The following ATP8B4 variants were observed in gnomAD, a reference collection of about 807,000 sequenced individuals.
ATP8B4 encodes probable phospholipid-transporting ATPase IM.
Under a neutral mutation model 145.6 loss-of-function variants are expected in ATP8B4, and 133 were observed. The ratio of observed to expected loss-of-function variants is 0.91; its 90% CI spans 0.79 to 1.05. The LOEUF (loss-of-function observed/expected upper bound fraction) is 1.05, where lower values mean the gene tolerates loss of function less well. ATP8B4 is among the 50% of genes least tolerant of loss of function. The pLI is 0.00. For missense variants in ATP8B4, 1,458 were observed against 1,425.2 expected (o/e 1.02, Z -0.37); for synonymous variants, 507 against 492.9 (o/e 1.03, Z -0.38).
Position 49,919,525 on chromosome 15 carries a change from C to T in ATP8B4, c.1924-575G>A, listed in dbSNP as rs192102961. Among the ~76,000 whole-genome samples the T allele has an allele frequency of 8.2e-4, 125 of 152,278 alleles. 1 individual carries two copies. Among genetic ancestry groups the T allele is most frequent in the African/African-American group, 2.8e-3 (118 of 41,572 alleles). ...CTCCGCCTCCCGGGTTCACACCATT[C>T]TCCTGCCTCAGCCTCCCAAGTAGTT... On this transcript the variant is annotated intron_variant, in intron 18 of 27. Transcript: ENST00000284509.
chr15:50,046,202 C>A (rs1265732783), intron 4 of ATP8B4, among the ~76,000 whole-genome samples: 1 of 152,184 alleles, frequency 6.6e-6, no homozygotes, highest in Non-Finnish European at 1.5e-5. Flanking sequence ...CCAATCAGAA[C>A]TAATCTCAAG....
At chr15:49,950,615 CA>C (rs1189915156) in intron 14 of ATP8B4, among the ~76,000 whole-genome samples, 2 of 79,966 alleles carry the variant, frequency 2.5e-5, no homozygotes, top group South Asian at 3.3e-4. Context: ...AACAAACAAA[CA>C]AACAAAAAAA....
chr15:49,990,014 A>T (rs925975300), intron 9 of ATP8B4, among the ~76,000 whole-genome samples: 7 of 152,168 alleles, frequency 4.6e-5, no homozygotes, highest in African/African-American at 1.7e-4. Flanking sequence ...ATTAGAGCAG[A>T]TCTAAGAAAA....
intron 13 of ATP8B4, among the ~76,000 whole-genome samples, chr15:49,969,790 G>A (rs1240390550): frequency 1.3e-5 from 2 of 152,116 alleles, no homozygotes; most frequent in African/African-American, 2.4e-5. Flanking sequence ...GCCTCATCCT[G>A]ATACCAAAAC....
intron 14 of ATP8B4, among the ~76,000 whole-genome samples, chr15:49,935,460 C>T (rs1446588348): frequency 6.6e-6 from 1 of 152,098 alleles, no homozygotes; most frequent in East Asian, 1.9e-4. Context: ...TGCCCCCTTA[C>T]TAATATAATA....
intron 9 of ATP8B4, among the ~76,000 whole-genome samples, chr15:49,992,419 T>C (rs1235887923): frequency 6.6e-6 from 1 of 152,196 alleles, no homozygotes; most frequent in Non-Finnish European, 1.5e-5. Flanking sequence ...TTGTGTTAAA[T>C]ATACATTTGC....
chr15:50,160,774 A>C (rs933826852), intron 1 of ATP8B4, among the ~76,000 whole-genome samples: 6 of 151,770 alleles, frequency 4.0e-5, no homozygotes, highest in African/African-American at 1.5e-4. Context: ...AAGTTTTAAG[A>C]CTTGTTTGTG....
intron 23 of ATP8B4, among the ~76,000 whole-genome samples, chr15:49,885,475 T>G (rs940242120): frequency 1.3e-5 from 2 of 152,202 alleles, no homozygotes; most frequent in Non-Finnish European, 1.5e-5. Flanking sequence ...AACTATAATT[T>G]TAATGCCCAG....
intron 1 of ATP8B4, among the ~76,000 whole-genome samples, chr15:50,173,967 G>C (rs58580493): frequency 6.6e-6 from 1 of 152,104 alleles, no homozygotes; most frequent in Non-Finnish European, 1.5e-5. Flanking sequence ...GTTTCATACC[G>C]GGGATGCAGG....
chr15:49,921,263 T>C (rs1381904122), intron 17 of ATP8B4, among the ~76,000 whole-genome samples: 1 of 152,190 alleles, frequency 6.6e-6, no homozygotes, highest in Non-Finnish European at 1.5e-5. Flanking sequence ...ATTTTAAAGA[T>C]ACCATTATCA....
chr15:50,043,735 T>C (rs2051491925), intron 5 of ATP8B4, among the ~76,000 whole-genome samples: 1 of 151,352 alleles, frequency 6.6e-6, no homozygotes, highest in South Asian at 2.1e-4. Context: ...AGGTGGATCA[T>C]GAGGTCAGGA....
intron 10 of ATP8B4, among the ~76,000 whole-genome samples, chr15:49,984,944 G>C (rs1473877809): frequency 1.3e-5 from 2 of 152,146 alleles, no homozygotes; most frequent in Non-Finnish European, 2.9e-5. Context: ...CATTACCAGG[G>C]AGGTGTAGCC....
At chr15:49,979,309 A>G (rs953833801) in intron 12 of ATP8B4, among the ~76,000 whole-genome samples, 1 of 152,114 alleles carries the variant, frequency 6.6e-6, no homozygotes, top group African/African-American at 2.4e-5. Flanking sequence ...TCCTTTTCTT[A>G]CTCAAAATTA....
intron 13 of ATP8B4, 56 bp from the exon 14 acceptor site, chr15:49,962,076 C>T: frequency 7.3e-7 from 1 of 1,370,866 alleles, no homozygotes; most frequent in East Asian, 2.4e-5. Context: ...TAGAATTAGA[C>T]ATTTAGTTTT....
intron 1 of ATP8B4, among the ~76,000 whole-genome samples, chr15:50,145,962 CTTCT>C (rs2044270689): frequency 6.6e-6 from 1 of 151,058 alleles, no homozygotes; most frequent in Non-Finnish European, 1.5e-5. Context: ...AGATAGAACT[CTTCT>C]GATTATATTT....
chr15:49,903,666 G>T (rs1218242560), intron 20 of ATP8B4, among the ~76,000 whole-genome samples: 1 of 152,186 alleles, frequency 6.6e-6, no homozygotes, highest in Non-Finnish European at 1.5e-5. Context: ...GGCTGAGGCG[G>T]GCAGATCACC....
In ATP8B4 at chr15:50,041,593, A is replaced by G. The variant is rs531263724; in HGVS notation, c.301-2764T>C. 9.8e-5 allele frequency among the ~76,000 whole-genome samples: 15 copies of G among 152,310 alleles called. No individual in the cohort carries two copies. In the South Asian group the frequency reaches 1.0e-3, roughly 11 times the overall value. On this transcript the variant is annotated intron_variant, in intron 5 of 27. Transcript: ENST00000284509. ...AATCAGTAAACTCCAGGAACATCCC[A>G]AGTTAGCCACTTTAATGTGATATTA...
At position 49,981,201 on chromosome 15, in the gene ATP8B4, C is replaced by A; in HGVS notation, c.837+5G>T. On this transcript the variant is annotated splice_donor_5th_base_variant and intron_variant, in intron 11 of 27. Coordinates refer to ENST00000284509, the MANE Select transcript of ATP8B4 (RefSeq NM_024837.4). ...CTAGTGATATTGCCTAGTTTTGTAA[C>A]TTACCCATAGTACTAGAGTATTCAT... The A allele has an allele frequency of 6.4e-7, 1 of 1,574,656 alleles. No individual in the cohort carries two copies. The highest frequency in any genetic ancestry group is 1.1e-5 in the South Asian group (1 of 89,254).
chr15:49,895,554 T>A (rs760629417), intron 23 of ATP8B4: 6 of 152,202 alleles, frequency 3.9e-5, no homozygotes, highest in African/African-American at 7.2e-5. Flanking sequence ...GTTAGTTAAA[T>A]CAAACATTTC....
Sources: gnomAD v4.1 joint callset for allele counts (sites outside exome capture counted in the v4.1 genomes callset) on GRCh38, gnomAD v4.1.1 for gene constraint, MANE v1.5 for transcripts, NCBI Gene and HGNC (gene_info 2026-07-23, HGNC 2026-07-21) for gene names.